The following FOXK1 variants were observed in gnomAD, a reference collection of about 807,000 sequenced individuals.
FOXK1 encodes forkhead box protein K1.
FOXK1 carries 19 observed loss-of-function variants against 51.9 expected under a neutral mutation model. The observed-to-expected ratio is 0.37, with a 90% CI of 0.26 to 0.54. The LOEUF is 0.54. Among genes scored for constraint, FOXK1 ranks in the 20% least tolerant of loss-of-function variants. The pLI, the probability that FOXK1 is intolerant of heterozygous loss-of-function variation, is 0.87. For missense variants in FOXK1, 870 were observed against 1,032.7 expected (o/e 0.84, Z 2.16); for synonymous variants, 537 against 482.6 (o/e 1.11, Z -1.48).
chr7:4,752,086 G>A (rs1780786760), intron 2 of FOXK1, among the ~76,000 whole-genome samples: 1 of 152,224 alleles, frequency 6.6e-6, no homozygotes, highest in Non-Finnish European at 1.5e-5. Flanking sequence ...CTGAACAGCT[G>A]GAACTGCAGG....
chr7:4,727,994 T>C (rs1780402312), intron 1 of FOXK1, among the ~76,000 whole-genome samples: 1 of 152,148 alleles, frequency 6.6e-6, no homozygotes, highest in Non-Finnish European at 1.5e-5. Flanking sequence ...CAGATACCAA[T>C]CACTGCACAG....
rs1554255851 is a variant in FOXK1, at chr7:4,766,333, T to TAGAGACCCTCAGGCCCCTATCC, written c.*3882_*3883insCCCCTATCCAGAGACCCTCAGG. On this transcript the variant is annotated 3_prime_UTR_variant, in exon 9 of 9. Transcript: ENST00000328914. This position sits in a 1 kb window ranked among gnomAD's most constrained non-coding sequence, Gnocchi z 5.5. ...GAGACGCTGGTGTGGGGTCCCCATG[T>TAGAGACCCTCAGGCCCCTATCC]AGAGACCCTCAGGTCCCTATCCAGA... is the stretch of plus-strand genomic sequence containing the variant. The TAGAGACCCTCAGGCCCCTATCC allele has an allele frequency of 6.6e-6, 1 of 152,170 alleles. No homozygotes were observed. Among genetic ancestry groups the TAGAGACCCTCAGGCCCCTATCC allele is most frequent in the Non-Finnish European group, 1.5e-5 (1 of 68,030 alleles). The allele number at this position is 152,170 out of a possible 1,614,324, so 9.4% of individuals were successfully genotyped here. A position where few individuals can be genotyped will look rare whatever the true frequency, so the allele number is the denominator to read the frequency against.
intron 1 of FOXK1, among the ~76,000 whole-genome samples, chr7:4,714,149 A>G (rs779641378): frequency 8.6e-5 from 13 of 152,044 alleles, no homozygotes; most frequent in Non-Finnish European, 1.8e-4. Context: ...CCCATCTTTA[A>G]GATGGTTTTT....
intron 1 of FOXK1, among the ~76,000 whole-genome samples, chr7:4,697,070 A>T (rs1448441786): frequency 6.6e-6 from 1 of 152,158 alleles, no homozygotes; most frequent in Non-Finnish European, 1.5e-5. Flanking sequence ...GACTGTCTCA[A>T]TAAGCAAAAA....
intron 1 of FOXK1, among the ~76,000 whole-genome samples, chr7:4,706,053 T>TATATATACGTGTATATAC (rs1469959937): frequency 1.6e-5 from 2 of 124,934 alleles, no homozygotes; most frequent in African/African-American, 8.7e-5. Context: ...CGTGTATATA[T>TATATATACGTGTATATAC]GTATATATAT....
chr7:4,755,075 AAT>A lies in FOXK1; in HGVS notation c.904-161_904-160del. 1 of 813,976 alleles carries A rather than the reference AAT, an allele frequency of 1.2e-6. No individual in the cohort carries two copies. The highest frequency in any genetic ancestry group is 1.8e-6 in the Non-Finnish European group (1 of 541,468). The allele number at this position is 813,976 out of a possible 1,614,324, so 50.4% of individuals were successfully genotyped here. On this transcript the variant is annotated intron_variant, in intron 3 of 8. Transcript: ENST00000328914. This position sits in a 1 kb window ranked among gnomAD's most constrained non-coding sequence, Gnocchi z 6.6. ...AGGCAAAAATGGTTGTTCCTAGTTG[AAT>A]GCAAGCACATTAATGGGATAGTTGG...
Position 4,759,460 on chromosome 7 carries a change from A to G in FOXK1, c.1561A>G (p.Thr521Ala), listed in dbSNP as rs1383293852. 1 of 1,591,122 alleles carries G rather than the reference A, an allele frequency of 6.3e-7. No individual in the cohort carries two copies. Among genetic ancestry groups the G allele is most frequent in the Non-Finnish European group, 8.5e-7 (1 of 1,173,716 alleles). Residue 521 changes from threonine (T) to alanine (A), a missense_variant, in exon 7 of 9, where the codon ACC (threonine) becomes GCC (alanine). Physicochemically the swap from Thr to Ala is moderately conservative, Grantham distance 58 (BLOSUM62 0). Around this residue, in one of 3 missense-constraint regions of FOXK1, gnomAD observed 457 missense variants for 510.8 expected, o/e 0.89. Transcript: ENST00000328914. ...HAIHVVQQAP[T>A]VTMVRVVTTS... is the part of the protein sequence containing the mutation. ...CATCCACGTCGTGCAGCAGGCCCCCACCGTCACCATGGTCAGGGTGGTCAC... is the reference window on the plus strand; with the variant it reads ...CATCCACGTCGTGCAGCAGGCCCCCGCCGTCACCATGGTCAGGGTGGTCAC...
intron 2 of FOXK1, among the ~76,000 whole-genome samples, chr7:4,752,194 G>C (rs1003328669): frequency 1.3e-5 from 2 of 152,228 alleles, no homozygotes; most frequent in African/African-American, 4.8e-5. Context: ...TGCTCCGCCA[G>C]AGTGCAGTGG....
rs954850490 is a variant in FOXK1 at position 4,767,207 on chromosome 7, C to G, written c.*4743C>G. 4 of 152,240 alleles carry G rather than the reference C, an allele frequency of 2.6e-5. No homozygotes were observed. Among genetic ancestry groups the G allele is most frequent in the African/African-American group, 9.6e-5 (4 of 41,452 alleles). The allele number at this position is 152,240 out of a possible 1,614,324, so 9.4% of individuals were successfully genotyped here. On this transcript the variant is annotated 3_prime_UTR_variant, in exon 9 of 9. Coordinates refer to ENST00000328914, the MANE Select transcript of FOXK1 (RefSeq NM_001037165.2). This position sits in a 1 kb window ranked among gnomAD's most constrained non-coding sequence, Gnocchi z 6.6. ...TCCTCACCCCTCTGAGAAAGCCCCC[C>G]TAAAAAAAGGCTTCAGAGTCACCGG...
At position 4,711,765 on chromosome 7, in the gene FOXK1, C is replaced by G. The variant is rs1780177341; in HGVS notation, c.560+28897C>G. 6.6e-6 allele frequency among the ~76,000 whole-genome samples: 1 copy of G among 152,236 alleles called. No homozygotes were observed. Among genetic ancestry groups the G allele is most frequent in the South Asian group, 2.1e-4 (1 of 4,826 alleles). On this transcript the variant is annotated intron_variant, in intron 1 of 8. Coordinates refer to ENST00000328914, the MANE Select transcript of FOXK1 (RefSeq NM_001037165.2). This position sits in a 1 kb window ranked among gnomAD's most constrained non-coding sequence, Gnocchi z 6.3. The stretch of plus-strand genomic sequence containing the variant: ...CAGGCTGGGCTCAGCCACAAGTCGG[C>G]AACGTAGTGCCTCCAGGGCAGATGC...
chr7:4,759,902 G>A (rs748371314), intron 7 of FOXK1: 24 of 461,962 alleles, frequency 5.2e-5, no homozygotes, highest in Non-Finnish European at 8.5e-5. Flanking sequence ...ATGATGATGC[G>A]CTCCTGTAGT....
At chr7:4,697,741 CTGTGTGTGTGTGTGTG>C (rs57978112) in intron 1 of FOXK1, among the ~76,000 whole-genome samples, 13,083 of 135,696 alleles carry the variant, frequency 0.096, 622 homozygotes, top group African/African-American at 0.12. Flanking sequence ...GAAAGATAGG[CTGTGTGTGTGTGTGTG>C]TGTGTGTGTG....
rs536467033 is a variant in FOXK1 at position 4,735,636 on chromosome 7, G to A, written c.561-5202G>A. On this transcript the variant is annotated intron_variant, in intron 1 of 8. Coordinates refer to ENST00000328914, the MANE Select transcript of FOXK1 (RefSeq NM_001037165.2). This position sits in a 1 kb window ranked among gnomAD's most constrained non-coding sequence, Gnocchi z 4.7. ...TTGCTCGTACAGGAACCTTTCCGCC[G>A]GGCTGGTGGACGGAGATTTCTACTC... 1.3e-5 allele frequency among the ~76,000 whole-genome samples: 2 copies of A among 152,272 alleles called. No individual in the cohort carries two copies. The highest frequency in any genetic ancestry group is 1.9e-4 in the East Asian group (1 of 5,178).
chr7:4,725,621 G>T (rs186912027), intron 1 of FOXK1, among the ~76,000 whole-genome samples: 1 of 152,280 alleles, frequency 6.6e-6, no homozygotes, highest in South Asian at 2.1e-4. Context: ...TGCTCCGGGC[G>T]TGTGGCTGTG....
chr7:4,740,378 T>C (rs1195543894), intron 1 of FOXK1, among the ~76,000 whole-genome samples: 2 of 149,624 alleles, frequency 1.3e-5, no homozygotes, highest in African/African-American at 2.5e-5. Context: ...TGCAGTGAGC[T>C]GAGATCGTGT....
intron 2 of FOXK1, among the ~76,000 whole-genome samples, chr7:4,752,558 T>C (rs1432872561): frequency 1.3e-5 from 2 of 152,228 alleles, no homozygotes; most frequent in African/African-American, 2.4e-5. Flanking sequence ...GTGCCCCTCA[T>C]TGGTCCTCAG....
chr7:4,704,810 T>C (rs1326666745), intron 1 of FOXK1, among the ~76,000 whole-genome samples: 4 of 148,862 alleles, frequency 2.7e-5, no homozygotes, highest in African/African-American at 1.0e-4. Flanking sequence ...CGAGCCAGCC[T>C]CCCAAACCAA....
intron 1 of FOXK1, among the ~76,000 whole-genome samples, chr7:4,720,931 A>C (rs1267118819): frequency 1.3e-5 from 2 of 151,704 alleles, no homozygotes; most frequent in East Asian, 3.9e-4. Flanking sequence ...AGAAAAAAAA[A>C]ACTCAACACA....
At position 4,754,488 on chromosome 7, in the gene FOXK1, G is replaced by A. The variant is rs1562390098; in HGVS notation, c.776G>A (p.Arg259His). The A allele has an allele frequency of 3.1e-6, 5 of 1,613,060 alleles. No homozygotes were observed. The highest frequency in any genetic ancestry group is 1.1e-5 in the South Asian group (1 of 91,096). Residue 259 changes from arginine to histidine, a missense_variant, in exon 3 of 9, where the codon CGC (arginine) becomes CAC (histidine). By Grantham distance (29) the Arg-to-His change is conservative. This residue lies in a region of FOXK1 where 399 missense variants were observed against 475.6 expected (regional missense o/e 0.84). Transcript: ENST00000328914. ...SVPNSCPASP[R>H]GAGSSSYRFV... ...CCCAACTCCTGCCCAGCCAGTCCAC[G>A]CGGTGCCGGCTCCTCCAGTTACCGC...
Sources: allele counts gnomAD v4.1 joint callset (sites outside exome capture counted in the v4.1 genomes callset), GRCh38; gene constraint gnomAD v4.1.1; regional missense constraint gnomAD v4.1.1; non-coding constraint Gnocchi (gnomAD v3.1); transcripts MANE v1.5; gene names NCBI Gene and HGNC (gene_info 2026-07-23, HGNC 2026-07-21).